Variants in SLC24A3 observed in about 807,000 individuals in gnomAD.
The protein encoded by SLC24A3 is solute carrier family 24 member 3.
A neutral mutation model predicts 75.8 loss-of-function variants in SLC24A3; 28 were observed. The observed-to-expected ratio is 0.37, with a 90% CI of 0.27 to 0.51. The LOEUF is 0.51. Ranked by LOEUF, SLC24A3 falls within the 20% of genes least tolerant of loss-of-function variation. The pLI is 0.94. For synonymous variants in SLC24A3, 372 were observed against 334.1 expected (o/e 1.11, Z -1.24); for missense variants, 663 against 847.8 (o/e 0.78, Z 2.71).
chr20:19,520,749 G>A (rs78129105), intron 3 of SLC24A3, among the ~76,000 whole-genome samples: 14,468 of 152,162 alleles, frequency 0.095, 746 homozygotes, highest in South Asian at 0.1. Flanking sequence ...ACACCTGTCC[G>A]CACTTCTTTC....
Position 19,697,005 on chromosome 20 carries a change from G to A in SLC24A3, c.1606+94G>A, listed in dbSNP as rs1293702633. 3.4e-5 allele frequency: 12 copies of A among 351,238 alleles called. 1 individual carries two copies. The highest frequency in any genetic ancestry group is 1.1e-4 in the Admixed American group (3 of 27,088). The allele number at this position is 351,238 out of a possible 1,614,324, so 21.8% of individuals were successfully genotyped here. ...AGGGAGGGAGGGAAGGAAGGCAGGA[G>A]GGAGAAGAGAAAGGGAGGGAGAAGA... On this transcript the variant is annotated intron_variant, in intron 14 of 16. Coordinates refer to ENST00000328041, the MANE Select transcript of SLC24A3 (RefSeq NM_020689.4).
At chr20:19,719,589 G>A (rs1293296530) in intron 16 of SLC24A3, among the ~76,000 whole-genome samples, 1 of 151,970 alleles carries the variant, frequency 6.6e-6, no homozygotes, top group African/African-American at 2.4e-5. Flanking sequence ...GTGTGAAGTA[G>A]CCGTCTGGGG....
intron 1 of SLC24A3, among the ~76,000 whole-genome samples, chr20:19,267,510 A>C (rs1199651095): frequency 6.6e-6 from 1 of 152,206 alleles, no homozygotes; most frequent in Non-Finnish European, 1.5e-5. Flanking sequence ...TGATTTATAA[A>C]AATCCATTTT....
intron 3 of SLC24A3, among the ~76,000 whole-genome samples, chr20:19,531,075 G>A (rs905338460): frequency 3.3e-5 from 5 of 151,832 alleles, no homozygotes; most frequent in Non-Finnish European, 5.9e-5. Context: ...CTATCCGTGT[G>A]CTGTAGTCAC....
At chr20:19,678,542 G>A in intron 9 of SLC24A3, among the ~76,000 whole-genome samples, 1 of 146,750 alleles carries the variant, frequency 6.8e-6, no homozygotes, top group Non-Finnish European at 1.5e-5. Context: ...CCCGGACGGG[G>A]CGGCTGGCCG....
At chr20:19,290,065 C>T (rs893127624) in intron 2 of SLC24A3, among the ~76,000 whole-genome samples, 4 of 152,164 alleles carry the variant, frequency 2.6e-5, no homozygotes, top group Non-Finnish European at 4.4e-5. Flanking sequence ...GCAGCAGCAG[C>T]CCCTGGGTGC....
intron 7 of SLC24A3, among the ~76,000 whole-genome samples, chr20:19,660,385 G>C (rs1033233857): frequency 6.6e-6 from 1 of 151,462 alleles, no homozygotes; most frequent in South Asian, 2.1e-4. Context: ...GAGAACATAC[G>C]GTATTTGATT....
intron 6 of SLC24A3, among the ~76,000 whole-genome samples, chr20:19,649,798 AG>A (rs2032180406): frequency 6.6e-6 from 1 of 152,212 alleles, no homozygotes; most frequent in African/African-American, 2.4e-5. Context: ...CCCAAGGCCC[AG>A]GCTTCCTGGA....
intron 1 of SLC24A3, among the ~76,000 whole-genome samples, chr20:19,273,079 C>T (rs930975094): frequency 1.3e-5 from 2 of 152,186 alleles, no homozygotes; most frequent in African/African-American, 4.8e-5. Flanking sequence ...AGAATCTGCC[C>T]TTGGGACCAG....
rs1004268478 is a variant in SLC24A3 at position 19,351,880 on chromosome 20, G to T, written c.271+70793G>T. Among the ~76,000 whole-genome samples, 7 of 152,180 alleles carry T rather than the reference G, an allele frequency of 4.6e-5. 1 individual carries two copies. Among genetic ancestry groups the T allele is most frequent in the African/African-American group, 1.7e-4 (7 of 41,442 alleles). ...AGAGAGCACAGCTTCAAAACAAAAA[G>T]TTAGCCTTTGTGCCATTAATGCATT... On this transcript the variant is annotated intron_variant, in intron 2 of 16. Coordinates refer to ENST00000328041, the MANE Select transcript of SLC24A3 (RefSeq NM_020689.4).
chr20:19,292,110 C>A (rs529782396), intron 2 of SLC24A3, among the ~76,000 whole-genome samples: 1 of 152,324 alleles, frequency 6.6e-6, no homozygotes, highest in South Asian at 2.1e-4. Flanking sequence ...CTGGACCAGC[C>A]GCGTAATCTC....
intron 3 of SLC24A3, among the ~76,000 whole-genome samples, chr20:19,559,750 A>T (rs1006088090): frequency 6.6e-6 from 1 of 152,124 alleles, no homozygotes; most frequent in South Asian, 2.1e-4. Context: ...TGTAATAATT[A>T]TGAGAAATTT....
At chr20:19,653,640 G>A (rs564635202) in intron 6 of SLC24A3, among the ~76,000 whole-genome samples, 113 of 152,294 alleles carry the variant, frequency 7.4e-4, no homozygotes, top group African/African-American at 2.6e-3. Flanking sequence ...AGGCAGGCCC[G>A]TTCCTGGGGG....
At chr20:19,258,835 A>C (rs960644549) in intron 1 of SLC24A3, among the ~76,000 whole-genome samples, 2 of 152,176 alleles carry the variant, frequency 1.3e-5, no homozygotes, top group Non-Finnish European at 2.9e-5. Flanking sequence ...TGCAGGGTCG[A>C]TCAAGCACAA....
chr20:19,718,237 G>A (rs1051455711), intron 16 of SLC24A3, among the ~76,000 whole-genome samples: 1 of 152,226 alleles, frequency 6.6e-6, no homozygotes, highest in Admixed American at 6.5e-5. Flanking sequence ...CAGAGAATGG[G>A]AATTCAGAAG....
At chr20:19,569,437 G>C (rs965656320) in intron 3 of SLC24A3, among the ~76,000 whole-genome samples, 1 of 151,928 alleles carries the variant, frequency 6.6e-6, no homozygotes, top group Non-Finnish European at 1.5e-5. Context: ...TGGCCCTCCT[G>C]TCCCACTTGT....
At chr20:19,599,061 T>C (rs546515523) in intron 6 of SLC24A3, among the ~76,000 whole-genome samples, 10 of 152,316 alleles carry the variant, frequency 6.6e-5, no homozygotes, top group Admixed American at 2.6e-4. Flanking sequence ...TTAATCTTTG[T>C]ATCAACCCCA....
intron 2 of SLC24A3, among the ~76,000 whole-genome samples, chr20:19,383,467 A>G (rs1006123886): frequency 8.5e-5 from 13 of 152,142 alleles, no homozygotes; most frequent in Admixed American, 5.9e-4. Flanking sequence ...GTATACACAT[A>G]GTAATCATCT....
chr20:19,522,668 A>C (rs1353970002), intron 3 of SLC24A3, among the ~76,000 whole-genome samples: 1 of 152,224 alleles, frequency 6.6e-6, no homozygotes, highest in African/African-American at 2.4e-5. Flanking sequence ...GCCAGAGCCC[A>C]ATCCATTCAG....
Sources: gnomAD v4.1 joint callset for allele counts (sites outside exome capture counted in the v4.1 genomes callset) on GRCh38, gnomAD v4.1.1 for gene constraint, MANE v1.5 for transcripts, NCBI Gene and HGNC (gene_info 2026-07-23, HGNC 2026-07-21) for gene names.